The following ADAMTS20 variants were observed in gnomAD, a reference collection of about 807,000 sequenced individuals.
ADAMTS20 encodes A disintegrin and metalloproteinase with thrombospondin motifs 20.
A neutral mutation model predicts 260.1 loss-of-function variants in ADAMTS20; 225 were observed. That is an observed-to-expected ratio of 0.87 (90% confidence interval 0.78 to 0.97). ADAMTS20 has a LOEUF of 0.97. ADAMTS20 is among the 50% of genes least tolerant of loss of function. The pLI is 0.00. For missense variants in ADAMTS20, 2,400 were observed against 2,337.7 expected (o/e 1.03, Z -0.55); for synonymous variants, 802 against 769.5 (o/e 1.04, Z -0.70).
chr12:43,463,436 A>C (rs1347008340), intron 10 of ADAMTS20, among the ~76,000 whole-genome samples: 1 of 152,198 alleles, frequency 6.6e-6, no homozygotes. Context: ...TATTTTGTGA[A>C]TATAATGCAT....
chr12:43,499,967 T>G (rs983107388), intron 4 of ADAMTS20, among the ~76,000 whole-genome samples: 1 of 152,138 alleles, frequency 6.6e-6, no homozygotes, highest in African/African-American at 2.4e-5. Context: ...ATTTACCATG[T>G]TTTAAAATCT....
At chr12:43,438,666 G>T (rs1941602108) in intron 18 of ADAMTS20, among the ~76,000 whole-genome samples, 1 of 152,062 alleles carries the variant, frequency 6.6e-6, no homozygotes, top group Non-Finnish European at 1.5e-5. Context: ...CACCACCTTT[G>T]GTCACCGCCT....
In ADAMTS20 at chr12:43,454,077, G is replaced by T. The variant is rs530859387; in HGVS notation, c.1615-25C>A. 21 of 1,602,098 alleles carry T rather than the reference G, an allele frequency of 1.3e-5. No individual in the cohort carries two copies. In the South Asian group the frequency reaches 2.1e-4, roughly 16 times the overall value. The stretch of plus-strand genomic sequence containing the variant: ...GCTATAAAAATAATAAGCACAAAAA[G>T]AAATGATGTGTGTCTCTAATTAGAA... On this transcript the variant is annotated intron_variant, in intron 11 of 38. Coordinates refer to ENST00000389420, the MANE Select transcript of ADAMTS20 (RefSeq NM_025003.5).
intron 37 of ADAMTS20, 104 bp downstream of exon 37, chr12:43,369,186 T>G (rs1361186320): frequency 3.2e-6 from 2 of 631,204 alleles, no homozygotes; most frequent in Non-Finnish European, 4.8e-6. Flanking sequence ...TTTGCATTTC[T>G]ATTTACTTAT....
intron 29 of ADAMTS20, among the ~76,000 whole-genome samples, chr12:43,384,807 T>G (rs1336116570): frequency 6.6e-6 from 1 of 152,230 alleles, no homozygotes; most frequent in Non-Finnish European, 1.5e-5. Flanking sequence ...TATAGCTGCA[T>G]AGTATTCCAT....
chr12:43,508,897 A>G (rs1942883541), intron 3 of ADAMTS20, among the ~76,000 whole-genome samples: 1 of 152,112 alleles, frequency 6.6e-6, no homozygotes, highest in South Asian at 2.1e-4. Flanking sequence ...GTTTTCCTGA[A>G]GTTCTCCCTC....
At chr12:43,364,703 T>C (rs1939945686) in intron 37 of ADAMTS20, among the ~76,000 whole-genome samples, 1 of 151,740 alleles carries the variant, frequency 6.6e-6, no homozygotes, top group Admixed American at 6.6e-5. Context: ...GAAAAATGAA[T>C]AGGGCCTCAG....
At chr12:43,550,612 C>T (rs976955688) in intron 2 of ADAMTS20, among the ~76,000 whole-genome samples, 1 of 152,170 alleles carries the variant, frequency 6.6e-6, no homozygotes, top group Non-Finnish European at 1.5e-5. Context: ...GGAAAACACA[C>T]TCCATTGTAA....
At chr12:43,510,375 T>A (rs566849464) in intron 3 of ADAMTS20, among the ~76,000 whole-genome samples, 254 of 152,168 alleles carry the variant, frequency 1.7e-3, no homozygotes, top group African/African-American at 4.7e-3. Context: ...ATTACTGTAA[T>A]TTTAAATTTA....
chr12:43,434,637 A>T (rs1941514711), intron 18 of ADAMTS20, among the ~76,000 whole-genome samples: 1 of 152,200 alleles, frequency 6.6e-6, no homozygotes, highest in Admixed American at 6.5e-5. Context: ...AATTCACTAT[A>T]GTGGGATAGA....
rs574466019 is a variant in ADAMTS20 at position 43,496,972 on chromosome 12, A to G, written c.868-3719T>C. On this transcript the variant is annotated intron_variant, in intron 4 of 38. Transcript: ENST00000389420. ...TCATAGGACTAATATTCCATTCCATAGACTACACTTTAGGAAACACCAGAC... is the reference window on the plus strand; with the variant it reads ...TCATAGGACTAATATTCCATTCCATGGACTACACTTTAGGAAACACCAGAC... 4.6e-5 allele frequency among the ~76,000 whole-genome samples: 7 copies of G among 152,280 alleles called. No individual in the cohort carries two copies. The East Asian group carries it at 1.4e-3, about 29-fold the overall frequency.
intron 26 of ADAMTS20, among the ~76,000 whole-genome samples, chr12:43,427,902 G>T (rs1240388744): frequency 6.6e-6 from 1 of 152,016 alleles, no homozygotes; most frequent in Non-Finnish European, 1.5e-5. Context: ...CCAGCTTATT[G>T]TATTGCTATC....
chr12:43,523,882 C>G (rs1240268395), intron 3 of ADAMTS20, among the ~76,000 whole-genome samples: 2 of 151,900 alleles, frequency 1.3e-5, no homozygotes, highest in Non-Finnish European at 1.5e-5. Context: ...CCCAACCACC[C>G]TGGTAGCTTA....
rs1364556939 is a variant in ADAMTS20, at chr12:43,376,343, A to G, written c.5126-13T>C. The G allele has an allele frequency of 4.5e-6, 7 of 1,539,092 alleles. No individual in the cohort carries two copies. The Admixed American group carries it at 6.1e-5, about 13-fold the overall frequency. The stretch of plus-strand genomic sequence containing the variant: ...GTAAATGATTTACCTTCAAAGACAA[A>G]TTAACACAACTTAACACAGAGCAAA... On this transcript the variant is annotated splice_polypyrimidine_tract_variant and intron_variant, in intron 33 of 38. Coordinates refer to ENST00000389420, the MANE Select transcript of ADAMTS20 (RefSeq NM_025003.5).
chr12:43,353,652 T>G (rs1294222707), downstream of ADAMTS20, among the ~76,000 whole-genome samples: 1 of 151,936 alleles, frequency 6.6e-6, no homozygotes, highest in Non-Finnish European at 1.5e-5. Context: ...CAAGCAAAAA[T>G]TAAAGAAAAA....
At chr12:43,505,922 A>G (rs1386539444) in intron 3 of ADAMTS20, among the ~76,000 whole-genome samples, 1 of 152,200 alleles carries the variant, frequency 6.6e-6, no homozygotes, top group Non-Finnish European at 1.5e-5. Flanking sequence ...GAATGAATAA[A>G]CAAAATGTAG....
intron 29 of ADAMTS20, among the ~76,000 whole-genome samples, chr12:43,384,222 C>G (rs1206424478): frequency 6.6e-6 from 1 of 152,150 alleles, no homozygotes. Context: ...TTATAGTAGA[C>G]AGCATCTCAA....
At chr12:43,436,352 G>C (rs542170502) in intron 18 of ADAMTS20, among the ~76,000 whole-genome samples, 1 of 152,038 alleles carries the variant, frequency 6.6e-6, no homozygotes, top group Non-Finnish European at 1.5e-5. Flanking sequence ...TAGACCACTA[G>C]CTTCCTAGTT....
chr12:43,426,732 AT>A (rs1336611792), intron 27 of ADAMTS20, among the ~76,000 whole-genome samples: 1 of 152,204 alleles, frequency 6.6e-6, no homozygotes, highest in Non-Finnish European at 1.5e-5. Flanking sequence ...CTAGTTTTCT[AT>A]TTTTATATCA....
Sources: gnomAD v4.1 joint callset for allele counts (sites outside exome capture counted in the v4.1 genomes callset) on GRCh38, gnomAD v4.1.1 for gene constraint, MANE v1.5 for transcripts, NCBI Gene and HGNC (gene_info 2026-07-23, HGNC 2026-07-21) for gene names.